The following KCNH5 variants were observed in gnomAD, a reference collection of about 807,000 sequenced individuals.
KCNH5 encodes the protein potassium voltage-gated channel subfamily H member 5, also known as voltage-gated delayed rectifier potassium channel KCNH5.
In KCNH5, 46 loss-of-function variants were observed where a neutral mutation model predicts 96.1. The observed-to-expected ratio is 0.48, with a 90% CI of 0.38 to 0.61. The LOEUF (loss-of-function observed/expected upper bound fraction) is 0.61. Among genes scored for constraint, KCNH5 ranks in the 20% least tolerant of loss-of-function variants. The probability of loss-of-function intolerance (pLI) is 0.00; values close to 1 mark genes in which losing one functional copy is unlikely to be tolerated. For missense variants in KCNH5, 907 were observed against 1,225.8 expected (o/e 0.74, Z 3.88); for synonymous variants, 439 against 449.8 (o/e 0.98, Z 0.30).
intron 4 of KCNH5, among the ~76,000 whole-genome samples, chr14:62,991,410 A>C (rs1890805686): frequency 6.6e-6 from 1 of 151,994 alleles, no homozygotes; most frequent in South Asian, 2.1e-4. Context: ...TGGCAGAAAA[A>C]AGAAAAAAAA....
chr14:62,835,440 A>T (rs1465559832), intron 8 of KCNH5, among the ~76,000 whole-genome samples: 1 of 152,090 alleles, frequency 6.6e-6, no homozygotes, highest in East Asian at 1.9e-4. Flanking sequence ...AGATTAAACA[A>T]GTACACATCT....
chr14:62,727,180 C>T (rs756991930), intron 10 of KCNH5, among the ~76,000 whole-genome samples: 9 of 152,046 alleles, frequency 5.9e-5, no homozygotes, highest in Non-Finnish European at 1.0e-4. Context: ...GTCTGGCCAG[C>T]GTGGTAAAAC....
At chr14:62,919,831 A>C (rs1223161711) in intron 7 of KCNH5, among the ~76,000 whole-genome samples, 3 of 152,020 alleles carry the variant, frequency 2.0e-5, no homozygotes, top group African/African-American at 7.2e-5. Flanking sequence ...GAGTATTGAC[A>C]GTCAAATAGT....
At chr14:62,786,249 C>T (rs1886319191) in intron 9 of KCNH5, among the ~76,000 whole-genome samples, 1 of 152,194 alleles carries the variant, frequency 6.6e-6, no homozygotes. Context: ...GTGAGAACTG[C>T]TAACTAATAT....
chr14:62,947,956 TC>T (rs1220221132), intron 7 of KCNH5, among the ~76,000 whole-genome samples: 1 of 151,950 alleles, frequency 6.6e-6, no homozygotes, highest in Non-Finnish European at 1.5e-5. Flanking sequence ...TAGGTATATC[TC>T]CCAATGCTAT....
At chr14:62,749,767 T>C (rs1232932864) in intron 10 of KCNH5, among the ~76,000 whole-genome samples, 2 of 152,212 alleles carry the variant, frequency 1.3e-5, no homozygotes, top group East Asian at 3.8e-4. Context: ...TGATGTCTCT[T>C]GGCACCGTTT....
rs1033947197 is a variant in KCNH5 at position 62,707,411 on chromosome 14, T to C, written c.*97A>G. On this transcript the variant is annotated 3_prime_UTR_variant, in exon 11 of 11. Coordinates refer to ENST00000322893, the MANE Select transcript of KCNH5 (RefSeq NM_139318.5). ...TATCAAAATCCATGTGTGGTCATCA[T>C]CTTGAAAGCAAGTGAAAATATATAT... 6.9e-6 allele frequency: 4 copies of C among 583,504 alleles called. No homozygotes were observed. The highest frequency in any genetic ancestry group is 1.0e-5 in the Non-Finnish European group (4 of 389,850). The allele number at this position is 583,504 out of a possible 1,614,324, so 36.1% of individuals were successfully genotyped here. A position where few individuals can be genotyped will look rare whatever the true frequency, so the allele number is the denominator to read the frequency against.
chr14:62,948,933 G>T (rs1889947398), intron 7 of KCNH5, among the ~76,000 whole-genome samples: 1 of 150,720 alleles, frequency 6.6e-6, no homozygotes, highest in African/African-American at 2.5e-5. Flanking sequence ...AATAGATGCA[G>T]AAAAGGCCTT....
intron 2 of KCNH5, among the ~76,000 whole-genome samples, chr14:63,011,454 G>A (rs1018636517): frequency 6.7e-6 from 1 of 150,204 alleles, no homozygotes; most frequent in African/African-American, 2.5e-5. Flanking sequence ...GTCCAGCCTG[G>A]GCAAAAAGAG....
intron 9 of KCNH5, among the ~76,000 whole-genome samples, chr14:62,785,577 C>T (rs1886304390): frequency 6.6e-6 from 1 of 152,172 alleles, no homozygotes; most frequent in African/African-American, 2.4e-5. Flanking sequence ...AAAGCTTGTG[C>T]TAAACATGAA....
At chr14:62,818,940 A>G (rs1016668307) in intron 8 of KCNH5, among the ~76,000 whole-genome samples, 1 of 152,192 alleles carries the variant, frequency 6.6e-6, no homozygotes, top group Admixed American at 6.6e-5. Flanking sequence ...AAATCCATAC[A>G]AAAGAATATT....
At chr14:62,725,380 C>G (rs1295050541) in intron 10 of KCNH5, among the ~76,000 whole-genome samples, 1 of 152,186 alleles carries the variant, frequency 6.6e-6, no homozygotes, top group Non-Finnish European at 1.5e-5. Context: ...AGGTAGTCTC[C>G]TATTATCTTT....
intron 7 of KCNH5, among the ~76,000 whole-genome samples, chr14:62,915,942 TTTTTTTTTCTTTTTTTTC>T (rs942736597): frequency 1.3e-5 from 2 of 148,316 alleles, no homozygotes; most frequent in African/African-American, 5.0e-5. Context: ...TCTTTTTTTC[TTTTTTTTTCTTTTTTTTC>T]TTTTTTTTTT....
chr14:63,013,263 A>T (rs1891262816), intron 2 of KCNH5, among the ~76,000 whole-genome samples: 1 of 152,112 alleles, frequency 6.6e-6, no homozygotes. Flanking sequence ...GTAATCATTT[A>T]CCTAGTTGCC....
intron 6 of KCNH5, among the ~76,000 whole-genome samples, chr14:62,953,886 A>G (rs1444789571): frequency 6.6e-6 from 1 of 152,130 alleles, no homozygotes; most frequent in Non-Finnish European, 1.5e-5. Context: ...TCAGTCTCGT[A>G]TTTCTTTAAA....
At chr14:62,928,141 T>C (rs1485481937) in intron 7 of KCNH5, among the ~76,000 whole-genome samples, 3 of 152,034 alleles carry the variant, frequency 2.0e-5, no homozygotes, top group Admixed American at 2.0e-4. Context: ...ACCAGTGAAC[T>C]AAGCATTCCT....
intron 10 of KCNH5, among the ~76,000 whole-genome samples, chr14:62,717,262 A>AT (rs1250547022): frequency 6.6e-6 from 1 of 152,192 alleles, no homozygotes; most frequent in Non-Finnish European, 1.5e-5. Context: ...TCAACAGCCC[A>AT]TTTTTCAGAA....
At chr14:62,789,770 AG>A (rs1366261268) in intron 9 of KCNH5, among the ~76,000 whole-genome samples, 1 of 151,856 alleles carries the variant, frequency 6.6e-6, no homozygotes, top group Non-Finnish European at 1.5e-5. Flanking sequence ...ACTTTTTAAT[AG>A]GGTTATTTAT....
intron 6 of KCNH5, among the ~76,000 whole-genome samples, chr14:62,966,316 G>A (rs1890304718): frequency 6.6e-6 from 1 of 152,154 alleles, no homozygotes; most frequent in Non-Finnish European, 1.5e-5. Flanking sequence ...AGAAATCACT[G>A]CTCATCAAAA....
Sources: gnomAD v4.1 joint callset for allele counts (sites outside exome capture counted in the v4.1 genomes callset) on GRCh38, gnomAD v4.1.1 for gene constraint, MANE v1.5 for transcripts, NCBI Gene and HGNC (gene_info 2026-07-23, HGNC 2026-07-21) for gene names.